ZNHIT6: variants seen among roughly 807,000 people sequenced by gnomAD.
ZNHIT6 encodes the protein box C/D snoRNA protein 1.
In ZNHIT6, 45 loss-of-function variants were observed where a neutral mutation model predicts 57.2. The observed-to-expected ratio is 0.79, with a 90% CI of 0.62 to 1.01. The LOEUF is 1.01. Ranked by LOEUF, ZNHIT6 falls within the 50% of genes least tolerant of loss-of-function variation. ZNHIT6 has a pLI of 0.00. For missense variants in ZNHIT6, 528 were observed against 567.3 expected, an observed-to-expected ratio of 0.93 and a Z score of 0.70; for synonymous variants, 188 against 190.0, an observed-to-expected ratio of 0.99 and a Z score of 0.09.
intron 5 of ZNHIT6, among the ~76,000 whole-genome samples, chr1:85,689,641 GGAAAT>G (rs1226875275): frequency 6.6e-6 from 1 of 152,126 alleles, no homozygotes; most frequent in African/African-American, 2.4e-5. Context: ...AGGTGAAGAC[GGAAAT>G]GAAATGAAAA....
chr1:85,698,059 G>A (rs912510121), intron 5 of ZNHIT6, among the ~76,000 whole-genome samples: 1 of 152,088 alleles, frequency 6.6e-6, no homozygotes, highest in Admixed American at 6.5e-5. Context: ...TCCTTATCAA[G>A]CTTCTCTATT....
At chr1:85,673,018 C>CCT (rs1296031123) in intron 8 of ZNHIT6, among the ~76,000 whole-genome samples, 5 of 152,066 alleles carry the variant, frequency 3.3e-5, no homozygotes, top group Admixed American at 1.3e-4. Context: ...CAACAGCTGC[C>CCT]CTCTGATAGT....
chr1:85,675,225 G>A (rs759035355), intron 8 of ZNHIT6, among the ~76,000 whole-genome samples: 1 of 151,980 alleles, frequency 6.6e-6, no homozygotes, highest in Non-Finnish European at 1.5e-5. Flanking sequence ...GAGCCAAATG[G>A]GATAAATCTA....
intron 8 of ZNHIT6, among the ~76,000 whole-genome samples, chr1:85,664,941 C>G (rs1239323447): frequency 6.6e-6 from 1 of 152,102 alleles, no homozygotes; most frequent in Non-Finnish European, 1.5e-5. Context: ...AAGCGATTCT[C>G]CTGCCTCAGC....
chr1:85,696,072 T>C (rs973432705), intron 5 of ZNHIT6, among the ~76,000 whole-genome samples: 4 of 151,996 alleles, frequency 2.6e-5, no homozygotes, highest in African/African-American at 9.7e-5. Context: ...ATCTGTGAAG[T>C]TTTTCTTATC....
At position 85,651,050 on chromosome 1, in the gene ZNHIT6, A is replaced by G. The variant is rs1221506593; in HGVS notation, c.*3008T>C. 2 of 152,220 alleles carry G rather than the reference A, an allele frequency of 1.3e-5. No individual in the cohort carries two copies. Among genetic ancestry groups the G allele is most frequent in the Non-Finnish European group, 2.9e-5 (2 of 68,036 alleles). The allele number at this position is 152,220 out of a possible 1,614,324, so 9.4% of individuals were successfully genotyped here. ...TTTATGTAAAATTTAGTAACATGAA[A>G]TAAGGTACAACACAAAGTATATGTC... On this transcript the variant is annotated 3_prime_UTR_variant, in exon 10 of 10. Coordinates refer to ENST00000370574, the MANE Select transcript of ZNHIT6 (RefSeq NM_017953.4).
At chr1:85,665,445 G>A (rs747654920) in intron 8 of ZNHIT6, among the ~76,000 whole-genome samples, 28 of 151,826 alleles carry the variant, frequency 1.8e-4, no homozygotes, top group African/African-American at 5.3e-4. Context: ...ATATTCTGAT[G>A]TATGTATATG....
In ZNHIT6 at chr1:85,652,506, C is replaced by T. The variant is rs1660940298; in HGVS notation, c.*1552G>A. ...ATGTTTCTCAAGTTGCAAGGACTCA[C>T]TTTCTATGAACTTTCTATGAATCAC... On this transcript the variant is annotated 3_prime_UTR_variant, in exon 10 of 10. Coordinates refer to ENST00000370574, the MANE Select transcript of ZNHIT6 (RefSeq NM_017953.4). The T allele has an allele frequency of 6.6e-6, 1 of 152,188 alleles. No individual in the cohort carries two copies. The highest frequency in any genetic ancestry group is 2.4e-5 in the African/African-American group (1 of 41,454). 9.4% of individuals were successfully genotyped at this position (152,188 alleles called of 1,614,324 possible).
At chr1:85,681,643 T>C (rs1484777196) in intron 5 of ZNHIT6, among the ~76,000 whole-genome samples, 1 of 152,210 alleles carries the variant, frequency 6.6e-6, no homozygotes, top group Non-Finnish European at 1.5e-5. Flanking sequence ...TGACTACCGA[T>C]ATCTCCTTAA....
chr1:85,688,620 T>C (rs1662131521), intron 5 of ZNHIT6, among the ~76,000 whole-genome samples: 1 of 152,188 alleles, frequency 6.6e-6, no homozygotes, highest in Admixed American at 6.5e-5. Flanking sequence ...GCCTACCCTC[T>C]AGGGGTGTAC....
At chr1:85,662,252 C>G (rs1318849358) in intron 8 of ZNHIT6, among the ~76,000 whole-genome samples, 1 of 151,854 alleles carries the variant, frequency 6.6e-6, no homozygotes, top group East Asian at 1.9e-4. Context: ...CACTGACACT[C>G]CATGGATCAT....
At chr1:85,683,772 A>G (rs1448192245) in intron 5 of ZNHIT6, among the ~76,000 whole-genome samples, 1 of 152,182 alleles carries the variant, frequency 6.6e-6, no homozygotes, top group South Asian at 2.1e-4. Flanking sequence ...TCCAAGAAGT[A>G]CAATCACTAA....
At chr1:85,697,023 G>A (rs1662391746) in intron 5 of ZNHIT6, among the ~76,000 whole-genome samples, 1 of 111,292 alleles carries the variant, frequency 9.0e-6, no homozygotes, top group Non-Finnish European at 2.0e-5. Context: ...ACCACGCCCA[G>A]CTAATTTTTC....
chr1:85,686,651 T>C (rs768435105), intron 5 of ZNHIT6, among the ~76,000 whole-genome samples: 2 of 152,164 alleles, frequency 1.3e-5, no homozygotes, highest in Admixed American at 6.5e-5. Flanking sequence ...AACAAGGAGA[T>C]GAGTCCAACA....
At chr1:85,698,889 TA>T (rs1188294783) in intron 5 of ZNHIT6, among the ~76,000 whole-genome samples, 1 of 152,162 alleles carries the variant, frequency 6.6e-6, no homozygotes, top group East Asian at 1.9e-4. Context: ...GGCATATTCC[TA>T]AGGATTTCAG....
chr1:85,658,785 C>T (rs779527388), intron 8 of ZNHIT6, among the ~76,000 whole-genome samples: 106 of 151,992 alleles, frequency 7.0e-4, no homozygotes, highest in Non-Finnish European at 5.9e-4. Context: ...GTGGGAGAAT[C>T]GCTTGAATCC....
intron 5 of ZNHIT6, among the ~76,000 whole-genome samples, chr1:85,687,369 CAG>C (rs1382629931): frequency 7.3e-6 from 1 of 136,168 alleles, no homozygotes. Flanking sequence ...TGTCTTTAAA[CAG>C]AGTATTTTGC....
At chr1:85,659,749 T>A (rs1209644910) in intron 8 of ZNHIT6, among the ~76,000 whole-genome samples, 2 of 152,196 alleles carry the variant, frequency 1.3e-5, no homozygotes, top group Non-Finnish European at 2.9e-5. Context: ...ACGCAATCGT[T>A]TTCAAATCAG....
chr1:85,669,379 C>A (rs182774924), intron 8 of ZNHIT6, among the ~76,000 whole-genome samples: 341 of 152,086 alleles, frequency 2.2e-3, no homozygotes, highest in African/African-American at 7.7e-3. Flanking sequence ...CATAAAGTTC[C>A]AAGGAAGGTA....
Sources: allele counts gnomAD v4.1 joint callset (sites outside exome capture counted in the v4.1 genomes callset), GRCh38; gene constraint gnomAD v4.1.1; transcripts MANE v1.5; gene names NCBI Gene and HGNC (gene_info 2026-07-23, HGNC 2026-07-21).